DCP1A: variants seen among roughly 807,000 people sequenced by gnomAD.
The protein encoded by DCP1A is mRNA-decapping enzyme 1A.
DCP1A carries 20 observed loss-of-function variants against 58.0 expected under a neutral mutation model. That is an observed-to-expected ratio of 0.34 (90% confidence interval 0.24 to 0.50). DCP1A has a LOEUF of 0.50. Ranked by LOEUF, DCP1A falls within the 20% of genes least tolerant of loss-of-function variation. The pLI is 0.98. For synonymous variants in DCP1A, 285 were observed against 275.1 expected, an observed-to-expected ratio of 1.04 and a Z score of -0.36; for missense variants, 613 against 712.2, an observed-to-expected ratio of 0.86 and a Z score of 1.59.
chr3:53,335,126 TA>T (rs199950175), intron 3 of DCP1A, among the ~76,000 whole-genome samples: 317 of 150,366 alleles, frequency 2.1e-3, no homozygotes, highest in East Asian at 0.011. Flanking sequence ...TGTATATATA[TA>T]TATTTTTTTT....
chr3:53,332,885 T>C (rs2089039092), intron 3 of DCP1A, among the ~76,000 whole-genome samples: 1 of 152,048 alleles, frequency 6.6e-6, no homozygotes, highest in African/African-American at 2.4e-5. Flanking sequence ...TTTCTACTTT[T>C]TGCAATTAAT....
At chr3:53,341,197 A>G (rs553332874) in intron 3 of DCP1A, among the ~76,000 whole-genome samples, 112 of 151,986 alleles carry the variant, frequency 7.4e-4, no homozygotes, top group African/African-American at 2.4e-3. Flanking sequence ...GCTCATGCCT[A>G]TAATCCCAGC....
chr3:53,320,587 T>C (rs1707935220), intron 3 of DCP1A, among the ~76,000 whole-genome samples: 1 of 152,216 alleles, frequency 6.6e-6, no homozygotes, highest in Non-Finnish European at 1.5e-5. Context: ...GAAATAATTG[T>C]ACCTTCAAAT....
At chr3:53,315,975 C>T (rs961526589) in intron 4 of DCP1A, among the ~76,000 whole-genome samples, 3 of 151,868 alleles carry the variant, frequency 2.0e-5, no homozygotes, top group African/African-American at 4.8e-5. Flanking sequence ...AGGATGGTCT[C>T]GATCTCCTGA....
Position 53,288,292 on chromosome 3 carries a change from T to G in DCP1A, c.1450-9A>C. ...AGTGGGGCGCCTGCAACCTGGAGAG[T>G]GACAATGGTCATTTTGTACCGAAGT... On this transcript the variant is annotated splice_polypyrimidine_tract_variant and intron_variant, in intron 8 of 9. Transcript: ENST00000610213. 6.3e-7 allele frequency: 1 copy of G among 1,597,130 alleles called. No individual in the cohort carries two copies. The highest frequency in any genetic ancestry group is 8.5e-7 in the Non-Finnish European group (1 of 1,171,624).
At position 53,292,846 on chromosome 3, in the gene DCP1A, C is replaced by A; in HGVS notation, c.625-19G>T. 1 of 1,587,568 alleles carries A rather than the reference C, an allele frequency of 6.3e-7. No individual in the cohort carries two copies. The highest frequency in any genetic ancestry group is 1.1e-5 in the South Asian group (1 of 89,232). On this transcript the variant is annotated intron_variant, in intron 6 of 9. Coordinates refer to ENST00000610213, the MANE Select transcript of DCP1A (RefSeq NM_018403.7). ...GAGCAGACTGAAAAACAAATGAAAC[C>A]ACCCAGTCAAAGAGGTCTGTTATAA...
At chr3:53,297,699 C>T (rs782577430) in intron 6 of DCP1A, among the ~76,000 whole-genome samples, 2 of 152,096 alleles carry the variant, frequency 1.3e-5, no homozygotes, top group Admixed American at 6.6e-5. Flanking sequence ...TCATAACCAC[C>T]CCATTCTATT....
chr3:53,340,580 C>T (rs1361183857), intron 3 of DCP1A, among the ~76,000 whole-genome samples: 2 of 136,342 alleles, frequency 1.5e-5, no homozygotes, highest in African/African-American at 5.5e-5. Context: ...CAATTACCCC[C>T]CCGCCAAGTG....
At chr3:53,345,165 A>G (rs1553693013) in intron 1 of DCP1A, among the ~76,000 whole-genome samples, 2 of 152,196 alleles carry the variant, frequency 1.3e-5, no homozygotes, top group African/African-American at 4.8e-5. Flanking sequence ...TATTTAATCC[A>G]GCAACATATC....
chr3:53,322,400 G>A (rs1409486665), intron 3 of DCP1A, among the ~76,000 whole-genome samples: 2 of 151,032 alleles, frequency 1.3e-5, no homozygotes, highest in Non-Finnish European at 2.9e-5. Flanking sequence ...GCAGTGAGCC[G>A]AGATCACGCC....
At chr3:53,334,701 G>T (rs1337143305) in intron 3 of DCP1A, among the ~76,000 whole-genome samples, 1 of 152,064 alleles carries the variant, frequency 6.6e-6, no homozygotes. Flanking sequence ...AATTAATCAT[G>T]TTATACTGTG....
chr3:53,342,321 A>T, intron 2 of DCP1A, 50 bp from the exon 3 acceptor site: 3 of 1,341,478 alleles, frequency 2.2e-6, no homozygotes, highest in Non-Finnish European at 3.1e-6. Context: ...TTTAATCTGT[A>T]GAAATGTTAT....
At chr3:53,304,848 G>A (rs972367549) in intron 5 of DCP1A, among the ~76,000 whole-genome samples, 4 of 151,958 alleles carry the variant, frequency 2.6e-5, no homozygotes, top group Non-Finnish European at 5.9e-5. Flanking sequence ...CTCCCAAAGT[G>A]CTGGGATTAT....
rs1211486616 is a variant in DCP1A at position 53,315,534 on chromosome 3, CAAAAAAA to C, written c.372-3162_372-3156del. ...TGGGTGACAGAGCAAGACTCTGTCT[CAAAAAAA>C]AAAAAAAAAAAAAAAAGAGTTTCTG... is the stretch of plus-strand genomic sequence containing the variant. On this transcript the variant is annotated intron_variant, in intron 4 of 9. Coordinates refer to ENST00000610213, the MANE Select transcript of DCP1A (RefSeq NM_018403.7). Among the ~76,000 whole-genome samples the C allele has an allele frequency of 5.5e-3, 355 of 65,010 alleles. 1 individual carries two copies. The highest frequency in any genetic ancestry group is 0.015 in the Admixed American group (71 of 4,844). The allele number at this position is 65,010 out of a possible 152,430, so 42.6% of individuals were successfully genotyped here. A position where few individuals can be genotyped will look rare whatever the true frequency, so the allele number is the denominator to read the frequency against.
At chr3:53,331,097 T>C (rs1472102925) in intron 3 of DCP1A, among the ~76,000 whole-genome samples, 1 of 152,162 alleles carries the variant, frequency 6.6e-6, no homozygotes, top group Non-Finnish European at 1.5e-5. Context: ...GACCTCGTGA[T>C]CCGCCTGGCT....
chr3:53,292,133 T>C lies in DCP1A; in HGVS notation c.1319A>G (p.Lys440Arg). The C allele has an allele frequency of 1.2e-6, 2 of 1,613,890 alleles. No individual in the cohort carries two copies. The highest frequency in any genetic ancestry group is 1.7e-6 in the Non-Finnish European group (2 of 1,179,884). ...GGCCGCCACTCTTGCTGCTGCTGTC[T>C]TAGAGGGAGGCTCTATGAAGCTCTC... ...TPESFIEPPS[K>R]TAAARVAASA... The change falls in exon 7 of 10, where the codon AAG (lysine) becomes AGG (arginine). Residue 440 changes from lysine (K) to arginine (R), a missense_variant. Transcript: ENST00000610213.
chr3:53,304,397 A>T (rs1410008429), intron 5 of DCP1A, 107 bp from the exon 6 acceptor site: 2 of 780,804 alleles, frequency 2.6e-6, no homozygotes, highest in Non-Finnish European at 4.0e-6. Context: ...TTTAAAAAGA[A>T]GAAGAAAAAC....
intron 4 of DCP1A, among the ~76,000 whole-genome samples, chr3:53,314,306 T>C (rs1707735069): frequency 6.6e-6 from 1 of 152,230 alleles, no homozygotes; most frequent in African/African-American, 2.4e-5. Context: ...AGAATTCCTG[T>C]TTGGAAAATG....
chr3:53,327,016 C>G (rs1708128638), intron 3 of DCP1A, among the ~76,000 whole-genome samples: 1 of 150,774 alleles, frequency 6.6e-6, no homozygotes, highest in South Asian at 2.1e-4. Flanking sequence ...CTCTAGTATC[C>G]CACACAAATA....
Sources: allele counts gnomAD v4.1 joint callset (sites outside exome capture counted in the v4.1 genomes callset), GRCh38; gene constraint gnomAD v4.1.1; transcripts MANE v1.5; gene names NCBI Gene and HGNC (gene_info 2026-07-23, HGNC 2026-07-21).